Variants in PRIM2 observed in about 807,000 individuals in gnomAD.
The protein encoded by PRIM2 is DNA primase large subunit.
A neutral mutation model predicts 67.3 loss-of-function variants in PRIM2; 39 were observed. That is an observed-to-expected ratio of 0.58 (90% CI 0.45 to 0.76). PRIM2 has a LOEUF of 0.76. Among genes scored for constraint, PRIM2 ranks in the 30% least tolerant of loss-of-function variants. PRIM2 has a pLI of 0.00. For synonymous variants in PRIM2, 143 were observed against 198.7 expected, an observed-to-expected ratio of 0.72 and a Z score of 2.36; for missense variants, 398 against 598.7, an observed-to-expected ratio of 0.66 and a Z score of 3.50.
intron 10 of PRIM2, among the ~76,000 whole-genome samples, chr6:57,589,891 C>T (rs1776257098): frequency 6.6e-6 from 1 of 152,204 alleles, no homozygotes; most frequent in South Asian, 2.1e-4. Flanking sequence ...AAAATTCCAG[C>T]CCAGGCATTG....
chr6:57,611,307 A>T (rs2127494329), intron 12 of PRIM2, among the ~76,000 whole-genome samples: 1 of 152,324 alleles, frequency 6.6e-6, no homozygotes, highest in Non-Finnish European at 1.5e-5. Context: ...TATACATAAG[A>T]TCTTTATATG....
the PRIM2 span, among the ~76,000 whole-genome samples, chr6:57,266,593 A>C: frequency 1.3e-5 from 2 of 152,202 alleles, no homozygotes; most frequent in Non-Finnish European, 2.9e-5. Context: ...ATTCAGCCAA[A>C]TATGTTTTTC....
chr6:57,455,489 A>G (rs898194203), intron 7 of PRIM2, among the ~76,000 whole-genome samples: 8 of 152,160 alleles, frequency 5.3e-5, no homozygotes, highest in Admixed American at 1.3e-4. Flanking sequence ...GTGCATATAT[A>G]TTTAGGATAG....
chr6:57,322,152 GAA>G (rs1219149384), intron 3 of PRIM2, among the ~76,000 whole-genome samples: 5 of 152,086 alleles, frequency 3.3e-5, no homozygotes, highest in Non-Finnish European at 5.9e-5. Context: ...TTGTTTTAGG[GAA>G]AAGAGAAGAT....
chr6:57,247,480 T>C, the PRIM2 span, among the ~76,000 whole-genome samples: 1 of 152,226 alleles, frequency 6.6e-6, no homozygotes, highest in African/African-American at 2.4e-5. Context: ...AGAGTTATAG[T>C]TGAGGCTTAT....
At chr6:57,308,042 G>A in the PRIM2 span, among the ~76,000 whole-genome samples, 2 of 152,076 alleles carry the variant, frequency 1.3e-5, no homozygotes, top group Non-Finnish European at 2.9e-5. Flanking sequence ...TATGCTTACT[G>A]TAATTGTAGT....
At chr6:57,499,985 G>C in intron 7 of PRIM2, among the ~76,000 whole-genome samples, 1 of 151,654 alleles carries the variant, frequency 6.6e-6, no homozygotes, top group Non-Finnish European at 1.5e-5. Flanking sequence ...TTAGTTGAAA[G>C]CACCTCAAAT....
At position 57,325,912 on chromosome 6, in the gene PRIM2, G is replaced by C. The variant is rs1581791870; in HGVS notation, c.339-13G>C. Reference sequence around the variant, plus strand: ...TTTTTAGTTTGTACTCATAATTTCTGTCTTCATTTCAGTGAAGAACTTAGA... The same window carrying C: ...TTTTTAGTTTGTACTCATAATTTCTCTCTTCATTTCAGTGAAGAACTTAGA... On this transcript the variant is annotated splice_polypyrimidine_tract_variant and intron_variant, in intron 4 of 13. Coordinates refer to ENST00000615550, the MANE Select transcript of PRIM2 (RefSeq NM_000947.5). 1 of 1,574,452 alleles carries C rather than the reference G, an allele frequency of 6.4e-7. No homozygotes were observed. The highest frequency in any genetic ancestry group is 8.6e-7 in the Non-Finnish European group (1 of 1,161,404).
intron 8 of PRIM2, among the ~76,000 whole-genome samples, chr6:57,514,943 T>C (rs1554348085): frequency 7.2e-4 from 110 of 152,216 alleles, no homozygotes; most frequent in African/African-American, 1.9e-3. Context: ...GATAGGAAGT[T>C]TTATGAGAAG....
In PRIM2 at chr6:57,469,617, G is replaced by A. The variant is rs1287709858; in HGVS notation, c.694-37770G>A. The stretch of plus-strand genomic sequence containing the variant: ...AGATATGAAAATACTAGAAGTTTTC[G>A]CCCTTGATTCAGAATAAGCAATGAG... On this transcript the variant is annotated intron_variant, in intron 7 of 13. Transcript: ENST00000615550. Among the ~76,000 whole-genome samples, 103 of 152,124 alleles carry A rather than the reference G, an allele frequency of 6.8e-4. 2 individuals carry two copies. In the East Asian group the frequency reaches 0.016, roughly 24 times the overall value.
chr6:57,306,608 A>G, the PRIM2 span, among the ~76,000 whole-genome samples: 26 of 152,246 alleles, frequency 1.7e-4, no homozygotes, highest in African/African-American at 6.3e-4. Flanking sequence ...CCTAACAAGT[A>G]TATTTGCTGT....
At chr6:57,346,733 C>G (rs1768690806) in intron 5 of PRIM2, among the ~76,000 whole-genome samples, 1 of 152,100 alleles carries the variant, frequency 6.6e-6, no homozygotes, top group African/African-American at 2.4e-5. Context: ...AGTTCAGAGT[C>G]TAGGTCAGAT....
chr6:57,460,260 A>G (rs1219063932), intron 7 of PRIM2, among the ~76,000 whole-genome samples: 1 of 152,134 alleles, frequency 6.6e-6, no homozygotes, highest in Non-Finnish European at 1.5e-5. Context: ...ATTAGAAAAA[A>G]TGTTCTAATT....
At chr6:57,261,851 G>C in the PRIM2 span, among the ~76,000 whole-genome samples, 1 of 152,194 alleles carries the variant, frequency 6.6e-6, no homozygotes, top group South Asian at 2.1e-4. Flanking sequence ...GGTCTCACCA[G>C]CTCTCACCAG....
At chr6:57,574,709 A>G (rs1168087083) in intron 10 of PRIM2, among the ~76,000 whole-genome samples, 6 of 151,216 alleles carry the variant, frequency 4.0e-5, no homozygotes, top group Non-Finnish European at 8.8e-5. Flanking sequence ...GACCAACTTC[A>G]GGATCTTCTA....
At chr6:57,300,832 A>G in the PRIM2 span, among the ~76,000 whole-genome samples, 76 of 152,186 alleles carry the variant, frequency 5.0e-4, no homozygotes, top group Non-Finnish European at 9.3e-4. Context: ...TTATTAAAGC[A>G]TCTTGATTCA....
intron 10 of PRIM2, among the ~76,000 whole-genome samples, chr6:57,553,389 T>C (rs1229308519): frequency 3.3e-4 from 50 of 151,900 alleles, no homozygotes; most frequent in Non-Finnish European, 7.1e-4. Context: ...ATACTTAAAA[T>C]TGCCTCTTGA....
intron 5 of PRIM2, among the ~76,000 whole-genome samples, chr6:57,357,015 C>T (rs968205508): frequency 2.7e-5 from 4 of 149,938 alleles, no homozygotes; most frequent in African/African-American, 9.8e-5. Context: ...CTCACTGCAA[C>T]CTCGGCCTCC....
rs1251697641 is a variant in PRIM2, at chr6:57,646,459, C to T, written c.*301C>T. 3.8e-5 allele frequency: 11 copies of T among 288,988 alleles called. No individual in the cohort carries two copies. Among genetic ancestry groups the T allele is most frequent in the African/African-American group, 8.8e-5 (4 of 45,484 alleles). 17.9% of individuals were successfully genotyped at this position (288,988 alleles called of 1,614,324 possible). On this transcript the variant is annotated 3_prime_UTR_variant, in exon 14 of 14. Coordinates refer to ENST00000615550, the MANE Select transcript of PRIM2 (RefSeq NM_000947.5). ...CTCCTGGGCTCAAGCGATCCTCACACCTCAGCGTCCCAGAGTGCTGGGATT... is the reference window on the plus strand; with the variant it reads ...CTCCTGGGCTCAAGCGATCCTCACATCTCAGCGTCCCAGAGTGCTGGGATT...
Sources: allele counts gnomAD v4.1 joint callset (sites outside exome capture counted in the v4.1 genomes callset), GRCh38; gene constraint gnomAD v4.1.1; transcripts MANE v1.5; gene names NCBI Gene and HGNC (gene_info 2026-07-23, HGNC 2026-07-21).